PSME4: variants seen among roughly 807,000 people sequenced by gnomAD.
PSME4 encodes the protein proteasome activator subunit 4, also known as proteasome activator complex subunit 4.
In PSME4, 89 loss-of-function variants were observed where a neutral mutation model predicts 253.9. The observed-to-expected ratio is 0.35, with a 90% CI of 0.30 to 0.42. The LOEUF is 0.42. Ranked by LOEUF, PSME4 falls within the 10% of genes least tolerant of loss-of-function variation. PSME4 has a pLI of 1.00. For synonymous variants in PSME4, 851 were observed against 759.2 expected (o/e 1.12, Z -1.99); for missense variants, 2,014 against 2,195.2 (o/e 0.92, Z 1.65).
Position 53,937,441 on chromosome 2 carries a change from T to C in PSME4, c.645A>G (p.Glu215=). 6.2e-7 allele frequency: 1 copy of C among 1,610,000 alleles called. No individual in the cohort carries two copies. ...GAGGAAGGGAGGTAGGAAGAAATATTTCAAAATAAGTGATGGCCTTTTGCA... is the reference window on the plus strand; with the variant it reads ...GAGGAAGGGAGGTAGGAAGAAATATCTCAAAATAAGTGATGGCCTTTTGCA... ...VTMQKAITYF[E]IFLPTSLPPE... The change falls in exon 5 of 47, where the codon GAA becomes GAG. Residue 215 remains glutamate, a synonymous_variant. Coordinates refer to ENST00000404125, the MANE Select transcript of PSME4 (RefSeq NM_014614.3).
chr2:53,925,928 A>G, intron 13 of PSME4, 31 bp downstream of exon 13: 1 of 1,579,634 alleles, frequency 6.3e-7, no homozygotes, highest in Non-Finnish European at 8.7e-7. Flanking sequence ...CTAGAATTTC[A>G]GCTAAACGTT....
chr2:53,878,994 A>G (rs1202101200), intron 41 of PSME4, among the ~76,000 whole-genome samples: 1 of 152,144 alleles, frequency 6.6e-6, no homozygotes, highest in East Asian at 1.9e-4. Context: ...TTTACGGCTC[A>G]GGGGCATCAA....
chr2:53,893,839 T>C (rs1259570784), intron 34 of PSME4, 40 bp from the exon 35 acceptor site: 2 of 1,541,300 alleles, frequency 1.3e-6, no homozygotes, highest in South Asian at 2.5e-5. Context: ...GCGTTTAAAA[T>C]CCACTTAAAT....
At chr2:53,926,376 AC>A (rs1476473697) in intron 12 of PSME4, among the ~76,000 whole-genome samples, 1 of 151,090 alleles carries the variant, frequency 6.6e-6, no homozygotes, top group African/African-American at 2.5e-5. Flanking sequence ...CATGCTCGCG[AC>A]TGGGCACGGT....
At chr2:53,932,453 A>G (rs143667916) in intron 9 of PSME4, among the ~76,000 whole-genome samples, 1 of 152,288 alleles carries the variant, frequency 6.6e-6, no homozygotes, top group East Asian at 1.9e-4. Context: ...TTTTTTTGCA[A>G]AAATGAGCCA....
At chr2:53,943,553 T>C (rs1669553802) in intron 3 of PSME4, among the ~76,000 whole-genome samples, 2 of 152,116 alleles carry the variant, frequency 1.3e-5, no homozygotes, top group South Asian at 4.1e-4. Flanking sequence ...AAGAAAGGTA[T>C]AAATACGCCA....
Position 53,925,540 on chromosome 2 carries a change from A to T in PSME4, c.1808T>A (p.Met603Lys), listed in dbSNP as rs1338601580. The T allele has an allele frequency of 4.5e-6, 7 of 1,544,732 alleles. No individual in the cohort carries two copies. The African/African-American group carries it at 9.5e-5, about 21-fold the overall frequency. ...ILTQCSKEIF[M>K]VALQKVFNFS... ...TATTTTTTGCAGCAATGTTCTTACC[A>T]TAAATATTTCTTTGGAACATTGGGT... The change falls in exon 14 of 47, where the codon ATG becomes AAG. Residue 603 changes from methionine (M) to lysine (K), a missense_variant and splice_region_variant. Physicochemically the swap from Met to Lys is moderately conservative, Grantham distance 95 (BLOSUM62 -1). Transcript: ENST00000404125.
intron 3 of PSME4, among the ~76,000 whole-genome samples, chr2:53,940,727 C>A (rs1669351126): frequency 6.7e-6 from 1 of 149,710 alleles, no homozygotes. Flanking sequence ...CGGTCAAATG[C>A]AAACAAACAA....
intron 43 of PSME4, among the ~76,000 whole-genome samples, chr2:53,872,026 G>C (rs1678902861): frequency 6.6e-6 from 1 of 151,988 alleles, no homozygotes; most frequent in African/African-American, 2.4e-5. Context: ...AAAAAAAGGG[G>C]GGGCGGGGAT....
intron 17 of PSME4, 105 bp downstream of exon 17, chr2:53,922,412 C>T: frequency 1.6e-6 from 2 of 1,221,044 alleles, no homozygotes; most frequent in Non-Finnish European, 2.3e-6. Flanking sequence ...TTCCAAAACT[C>T]TGACTTTTCA....
chr2:53,932,227 C>G (rs536493644), intron 9 of PSME4, 127 bp from the exon 10 acceptor site: 1 of 808,746 alleles, frequency 1.2e-6, no homozygotes, highest in African/African-American at 1.7e-5. Flanking sequence ...TTACAAAGAA[C>G]TGCACAGCAT....
chr2:53,869,451 G>A lies in PSME4; in HGVS notation c.5188C>T (p.Gln1730Ter). The A allele has an allele frequency of 6.2e-7, 1 of 1,610,336 alleles. No individual in the cohort carries two copies. The highest frequency in any genetic ancestry group is 8.5e-7 in the Non-Finnish European group (1 of 1,177,418). ...MDSPMQIHFEQLCKTKLPKKR... is the reference protein window; with the variant it reads ...MDSPMQIHFE ...TTAGGTAGTTTTGTTTTGCAAAGTT[G>A]CTCAAAATGAATCTGCATAGGACTG... Residue 1730 changes from glutamine to a stop codon, truncating the protein, a stop_gained, in exon 44 of 47, where the codon CAA (glutamine) becomes TAA (stop). Coordinates refer to ENST00000404125, the MANE Select transcript of PSME4 (RefSeq NM_014614.3). LOFTEE classifies it high-confidence loss of function.
At chr2:53,894,431 C>A (rs879470440) in intron 34 of PSME4, among the ~76,000 whole-genome samples, 2 of 151,332 alleles carry the variant, frequency 1.3e-5, no homozygotes, top group Admixed American at 6.6e-5. Flanking sequence ...ACCACTACGC[C>A]CAGCTGATTT....
intron 11 of PSME4, 129 bp downstream of exon 11, chr2:53,927,988 T>C (rs1668644892): frequency 1.5e-6 from 1 of 651,450 alleles, no homozygotes; most frequent in Non-Finnish European, 2.5e-6. Flanking sequence ...ACTTTAATAA[T>C]TAAATTATAC....
intron 40 of PSME4, among the ~76,000 whole-genome samples, chr2:53,886,383 C>T (rs1426888466): frequency 6.6e-6 from 1 of 152,136 alleles, no homozygotes; most frequent in Non-Finnish European, 1.5e-5. Context: ...TGAAAGGCAG[C>T]AGAGGGCTGG....
intron 1 of PSME4, 21 bp downstream of exon 1, chr2:53,970,519 GCCC>G: frequency 1.3e-6 from 2 of 1,547,426 alleles, no homozygotes; most frequent in Non-Finnish European, 1.7e-6. Context: ...CCCCGGCCCG[GCCC>G]GCAGGCCCGG....
At chr2:53,916,473 T>C (rs1032005394) in intron 20 of PSME4, among the ~76,000 whole-genome samples, 2 of 152,190 alleles carry the variant, frequency 1.3e-5, no homozygotes, top group African/African-American at 4.8e-5. Context: ...GAGCAACTAA[T>C]GTGCTAAGTT....
intron 20 of PSME4, among the ~76,000 whole-genome samples, chr2:53,916,182 G>A (rs1558680030): frequency 2.0e-5 from 3 of 147,358 alleles, no homozygotes; most frequent in Admixed American, 6.9e-5. Flanking sequence ...AGGAGGTGGA[G>A]GTCGCAGTGA....
At chr2:53,899,283 C>G (rs1254320632) in intron 29 of PSME4, among the ~76,000 whole-genome samples, 1 of 151,746 alleles carries the variant, frequency 6.6e-6, no homozygotes, top group Non-Finnish European at 1.5e-5. Context: ...CCAGGCTGGT[C>G]TTGAACTCCT....
Sources: gnomAD v4.1 joint callset for allele counts (sites outside exome capture counted in the v4.1 genomes callset) on GRCh38, gnomAD v4.1.1 for gene constraint, MANE v1.5 for transcripts, NCBI Gene and HGNC (gene_info 2026-07-23, HGNC 2026-07-21) for gene names.